WDR90: variants seen among roughly 807,000 people sequenced by gnomAD.
The protein encoded by WDR90 is WD repeat-containing protein 90.
In WDR90, 238 loss-of-function variants were observed where a neutral mutation model predicts 195.2. That is an observed-to-expected ratio of 1.22 (90% CI 1.10 to 1.36). WDR90 has a LOEUF of 1.36. WDR90 is among the 40% of genes most tolerant of loss of function. WDR90 has a pLI of 0.00. For synonymous variants in WDR90, 1,265 were observed against 1,052.4 expected, an observed-to-expected ratio of 1.20 and a Z score of -3.91; for missense variants, 2,734 against 2,439.5, an observed-to-expected ratio of 1.12 and a Z score of -2.54.
chr16:665,853 G>A (rs751019023), intron 35 of WDR90, 52 bp downstream of exon 35: 2 of 1,552,990 alleles, frequency 1.3e-6, no homozygotes, highest in Admixed American at 1.8e-5. Context: ...GCTCAGTGGG[G>A]GGCCTGGCAT....
intron 19 of WDR90, 101 bp from the exon 20 acceptor site, chr16:656,990 A>G: frequency 5.1e-6 from 8 of 1,558,650 alleles, no homozygotes; most frequent in Non-Finnish European, 6.9e-6. Flanking sequence ...TTGCTGCCCC[A>G]TGGGGACTTC....
intron 13 of WDR90, 124 bp from the exon 14 acceptor site, chr16:654,905 A>C: frequency 4.7e-6 from 4 of 851,532 alleles, no homozygotes; most frequent in Non-Finnish European, 7.5e-6. Context: ...CCACGGCCGC[A>C]CGCTCAGAGG....
intron 26 of WDR90, 54 bp from the exon 27 acceptor site, chr16:660,004 C>G (rs968758217): frequency 7.5e-7 from 1 of 1,336,026 alleles, no homozygotes; most frequent in Non-Finnish European, 1.0e-6. Flanking sequence ...AGTGTGGGGT[C>G]TCTGAAGAGC....
chr16:660,277 C>A, intron 27 of WDR90, 116 bp downstream of exon 27: 2 of 960,114 alleles, frequency 2.1e-6, no homozygotes, highest in Admixed American at 2.9e-5. Flanking sequence ...TGGCTCTGGC[C>A]CTTGGGCGCC....
intron 17 of WDR90, 146 bp from the exon 18 acceptor site, chr16:656,156 C>G: frequency 1.2e-6 from 1 of 839,588 alleles, no homozygotes; most frequent in South Asian, 1.7e-5. Flanking sequence ...GTGGTGGCCT[C>G]GAGGGAGCTG....
Position 649,371 on chromosome 16 carries a change from C to T in WDR90, c.-46C>T. The T allele has an allele frequency of 4.5e-6, 6 of 1,329,232 alleles. No homozygotes were observed. The highest frequency in any genetic ancestry group is 5.8e-6 in the Non-Finnish European group (6 of 1,041,706). The allele number at this position is 1,329,232 out of a possible 1,614,324, so 82.3% of individuals were successfully genotyped here. On this transcript the variant is annotated 5_prime_UTR_variant, in exon 1 of 41. Transcript: ENST00000293879. Reference sequence around the variant, plus strand: ...GCCTGGCGTCGCGGGGCGTACTCTGCGCTGGGCGCGCGGAGGCCTAGGCGG... The same window carrying T: ...GCCTGGCGTCGCGGGGCGTACTCTGTGCTGGGCGCGCGGAGGCCTAGGCGG...
At position 651,103 on chromosome 16, in the gene WDR90, G is replaced by A. The variant is rs200481519; in HGVS notation, c.668G>A (p.Arg223Gln). 160 of 1,613,546 alleles carry A rather than the reference G, an allele frequency of 9.9e-5. No homozygotes were observed. The African/African-American group carries it at 1.3e-3, about 14-fold the overall frequency. ...TGGCATGACCGCTACATCCACGTCC[G>A]GTGAGTGGTTCTGCTTCTTTCGAGG... ...ESWHDRYIHV[R>Q]FPSESLKVPS... Residue 223 changes from arginine (R) to glutamine (Q), a missense_variant and splice_region_variant, in exon 6 of 41, where the codon CGG (arginine) becomes CAG (glutamine). Coordinates refer to ENST00000293879, the MANE Select transcript of WDR90 (RefSeq NM_145294.5).
In WDR90 at chr16:661,105, G is replaced by A. The variant is rs1210476071; in HGVS notation, c.3446G>A (p.Gly1149Asp). 6.5e-7 allele frequency: 1 copy of A among 1,547,296 alleles called. No individual in the cohort carries two copies. Among genetic ancestry groups the A allele is most frequent in the Non-Finnish European group, 8.6e-7 (1 of 1,157,828 alleles). ...RLVVVEDLHS[G>D]AQQHWSGHSA... ...GTGGTGGTGGAGGACCTGCACTCTG[G>A]CGCCCAGCAGCACTGGTCCGGCCAC... Residue 1149 changes from glycine to aspartate, a missense_variant, in exon 29 of 41, where the codon GGC (glycine) becomes GAC (aspartate). Transcript: ENST00000293879.
chr16:665,847 A>C (rs3752494), intron 35 of WDR90, 46 bp downstream of exon 35: 1 of 1,529,792 alleles, frequency 6.5e-7, no homozygotes. Context: ...GGGCCTGCTC[A>C]GTGGGGGGCC....
In WDR90 at chr16:667,814, C is replaced by A; in HGVS notation, c.*225C>A. On this transcript the variant is annotated 3_prime_UTR_variant, in exon 41 of 41. Coordinates refer to ENST00000293879, the MANE Select transcript of WDR90 (RefSeq NM_145294.5). The stretch of plus-strand genomic sequence containing the variant: ...TTTAATGTTTCTATCTTGTAATAAA[C>A]ATGGGCATTTATTGCATTATTGCTG... 1 of 677,002 alleles carries A rather than the reference C, an allele frequency of 1.5e-6. No homozygotes were observed. The allele number at this position is 677,002 out of a possible 1,614,324, so 41.9% of individuals were successfully genotyped here. A position where few individuals can be genotyped will look rare whatever the true frequency, so the allele number is the denominator to read the frequency against.
At chr16:662,614 C>T (rs2037940850) in intron 33 of WDR90, 65 bp from the exon 34 acceptor site, 1 of 1,510,490 alleles carries the variant, frequency 6.6e-7, no homozygotes, top group African/African-American at 1.4e-5. Context: ...GCTGGGGACC[C>T]AGCTGGCTCT....
Position 653,400 on chromosome 16 carries a change from CCTG to C in WDR90, c.1185_1187del (p.Leu396del). ...ACCCCTGCCATGCGGTCATCGTCGT[CCTG>C]CTCGTGGACACGGGGGAGCAGCGCT... On this transcript the variant is annotated inframe_deletion, in exon 11 of 41. Transcript: ENST00000293879. 6.2e-7 allele frequency: 1 copy of C among 1,609,324 alleles called. No individual in the cohort carries two copies. The highest frequency in any genetic ancestry group is 8.5e-7 in the Non-Finnish European group (1 of 1,178,506).
At chr16:664,016 C>T (rs1198437629) in intron 34 of WDR90, among the ~76,000 whole-genome samples, 3 of 152,086 alleles carry the variant, frequency 2.0e-5, no homozygotes, top group East Asian at 1.9e-4. Context: ...AGAAACCTGT[C>T]TTTAGTATTT....
chr16:664,918 A>C (rs1294464930), intron 34 of WDR90: 3 of 152,284 alleles, frequency 2.0e-5, no homozygotes, highest in African/African-American at 7.2e-5. Context: ...TGACCCCGTG[A>C]TCCGCCCACC....
rs761857062 is a variant in WDR90 at position 667,714 on chromosome 16, C to G, written c.*125C>G. ...GGGACAGGCCAGGATTCACGTAAATCGCCTGGAGCAAGCTGTTGTAAATTT... is the reference window on the plus strand; with the variant it reads ...GGGACAGGCCAGGATTCACGTAAATGGCCTGGAGCAAGCTGTTGTAAATTT... On this transcript the variant is annotated 3_prime_UTR_variant, in exon 41 of 41. Coordinates refer to ENST00000293879, the MANE Select transcript of WDR90 (RefSeq NM_145294.5). The G allele has an allele frequency of 1.4e-6, 2 of 1,440,562 alleles. No homozygotes were observed. The highest frequency in any genetic ancestry group is 1.9e-6 in the Non-Finnish European group (2 of 1,057,680). 89.2% of individuals were successfully genotyped at this position (1,440,562 alleles called of 1,614,324 possible).
In WDR90 at chr16:666,125, G is replaced by A; in HGVS notation, c.4609+1G>A. The A allele has an allele frequency of 6.2e-7, 1 of 1,609,316 alleles. No homozygotes were observed. The highest frequency in any genetic ancestry group is 8.5e-7 in the Non-Finnish European group (1 of 1,177,714). On this transcript the variant is annotated splice_donor_variant, in intron 36 of 40. Transcript: ENST00000293879. LOFTEE classifies it high-confidence loss of function. The stretch of plus-strand genomic sequence containing the variant: ...ACCACTGTTGCCTTCTCCACCGATG[G>A]TGAGGAGTTGGGTGTGTTGGGGATG...
At chr16:649,550 G>C (rs1043807699) in intron 1 of WDR90, 124 bp downstream of exon 1, 8 of 1,231,704 alleles carry the variant, frequency 6.5e-6, no homozygotes, top group Non-Finnish European at 8.2e-6. Flanking sequence ...GCTCAGGCAG[G>C]GTCCCGTCTG....
At chr16:655,739 G>T (rs768430859) in intron 16 of WDR90, 34 bp from the exon 17 acceptor site, 1 of 1,582,020 alleles carries the variant, frequency 6.3e-7, no homozygotes. Flanking sequence ...AGGGTGGCAG[G>T]GACACCGAGG....
intron 39 of WDR90, 32 bp from the exon 40 acceptor site, chr16:666,873 C>T (rs766301279): frequency 2.6e-5 from 42 of 1,612,906 alleles, no homozygotes; most frequent in Non-Finnish European, 3.5e-5. Context: ...CCTGAGCCCA[C>T]AGGCCTGGAG....
Sources: gnomAD v4.1 joint callset for allele counts (sites outside exome capture counted in the v4.1 genomes callset) on GRCh38, gnomAD v4.1.1 for gene constraint, MANE v1.5 for transcripts, NCBI Gene and HGNC (gene_info 2026-07-23, HGNC 2026-07-21) for gene names.